Variants in GALNT8 observed in about 807,000 individuals in gnomAD.
GALNT8 encodes probable polypeptide N-acetylgalactosaminyltransferase 8.
In GALNT8, 66 loss-of-function variants were observed where a neutral mutation model predicts 62.7. That is an observed-to-expected ratio of 1.05 (90% CI 0.86 to 1.29). The LOEUF is 1.29. Ranked by LOEUF, GALNT8 falls within the 50% of genes most tolerant of loss-of-function variation. The pLI, the probability that GALNT8 is intolerant of heterozygous loss-of-function variation, is 0.00. For missense variants in GALNT8, 771 were observed against 791.8 expected (o/e 0.97, Z 0.32); for synonymous variants, 288 against 294.3 (o/e 0.98, Z 0.22).
chr12:4,756,049 A>G (rs1946343491), intron 6 of GALNT8, among the ~76,000 whole-genome samples: 1 of 152,262 alleles, frequency 6.6e-6, no homozygotes, highest in Non-Finnish European at 1.5e-5. Context: ...ATTTCAGAGT[A>G]AGTCACATGG....
intron 9 of GALNT8, among the ~76,000 whole-genome samples, chr12:4,764,290 C>T (rs117765779): frequency 4.6e-5 from 7 of 152,348 alleles, no homozygotes; most frequent in Non-Finnish European, 8.8e-5. Flanking sequence ...TGCTCTGTCA[C>T]ATTCATTCTG....
chr12:4,760,284 A>G (rs931244358), intron 6 of GALNT8, among the ~76,000 whole-genome samples: 3 of 152,232 alleles, frequency 2.0e-5, no homozygotes, highest in African/African-American at 7.2e-5. Context: ...TATGCTGGGT[A>G]TCAGTTGGAA....
intron 2 of GALNT8, among the ~76,000 whole-genome samples, chr12:4,736,299 T>A (rs1211895680): frequency 6.6e-6 from 1 of 152,134 alleles, no homozygotes; most frequent in Admixed American, 6.5e-5. Flanking sequence ...AGGCAACTAC[T>A]AGGAAGCCAG....
intron 3 of GALNT8, among the ~76,000 whole-genome samples, chr12:4,741,906 C>A (rs917929272): frequency 1.3e-5 from 2 of 152,056 alleles, no homozygotes; most frequent in African/African-American, 4.8e-5. Context: ...TCATTAACCA[C>A]GAAAACACCA....
chr12:4,720,739 T>G lies in GALNT8; in HGVS notation c.62T>G (p.Val21Gly), dbSNP rs780417674. The change falls in exon 1 of 11, where the codon GTC (valine) becomes GGC (glycine). Residue 21 changes from valine (V) to glycine (G), a missense_variant. Physicochemically the swap from Val to Gly is moderately radical, Grantham distance 109. Coordinates refer to ENST00000252318, the MANE Select transcript of GALNT8 (RefSeq NM_017417.2). ...ATTGGGCTGACTCTGGCCATTGCTGTCAATCTCCTTCTGGTATTTTCTAGC... is the reference window on the plus strand; with the variant it reads ...ATTGGGCTGACTCTGGCCATTGCTGGCAATCTCCTTCTGGTATTTTCTAGC... Reference protein sequence around the residue: ...LFIGLTLAIAVNLLLVFSSKG... With the variant: ...LFIGLTLAIAGNLLLVFSSKG... 84 of 1,613,640 alleles carry G rather than the reference T, an allele frequency of 5.2e-5. 2 individuals carry two copies. In the South Asian group the frequency reaches 8.8e-4, roughly 17 times the overall value.
chr12:4,764,530 A>ATTTTTTTTTTTTT (rs58809573), intron 9 of GALNT8, among the ~76,000 whole-genome samples: 1 of 102,246 alleles, frequency 9.8e-6, no homozygotes, highest in Admixed American at 1.0e-4. Flanking sequence ...CAGTCAGGGG[A>ATTTTTTTTTTTTT]TTTTTTTTTT....
Position 4,726,919 on chromosome 12 carries a change from G to T in GALNT8, c.509+90G>T, listed in dbSNP as rs1392132830. ...AGTGAACATTGAAGGCTGGGGGAGT[G>T]GGGGATTGTTGGGGAAGGGGTTCAG... On this transcript the variant is annotated intron_variant, in intron 2 of 10. Transcript: ENST00000252318. The surrounding 1 kb of genome is among the most constrained non-coding windows in gnomAD (Gnocchi z 4.1). 9.6e-6 allele frequency: 11 copies of T among 1,147,482 alleles called. No homozygotes were observed. Among genetic ancestry groups the T allele is most frequent in the Non-Finnish European group, 1.4e-5 (11 of 803,392 alleles). The allele number at this position is 1,147,482 out of a possible 1,614,324, so 71.1% of individuals were successfully genotyped here.
At chr12:4,754,021 G>A (rs770728509) in intron 6 of GALNT8, among the ~76,000 whole-genome samples, 16 of 152,102 alleles carry the variant, frequency 1.1e-4, no homozygotes, top group Non-Finnish European at 1.8e-4. Context: ...CTTCCCTTAC[G>A]TCTCCCAAAC....
At chr12:4,769,744 A>G (rs1946414705) in intron 10 of GALNT8, among the ~76,000 whole-genome samples, 1 of 151,994 alleles carries the variant, frequency 6.6e-6, no homozygotes. Context: ...ATACACTTCT[A>G]GTCAATCATC....
At chr12:4,722,871 G>C (rs1373467040) in intron 1 of GALNT8, among the ~76,000 whole-genome samples, 3 of 152,010 alleles carry the variant, frequency 2.0e-5, no homozygotes, top group Admixed American at 6.6e-5. Context: ...AAAGAGCGAG[G>C]AGAGTGAGAA....
intron 1 of GALNT8, among the ~76,000 whole-genome samples, chr12:4,723,775 G>T (rs545046520): frequency 7.6e-6 from 1 of 131,362 alleles, no homozygotes; most frequent in Admixed American, 8.3e-5. Flanking sequence ...TTTTTCCACA[G>T]AGCTTCCTAT....
Position 4,749,118 on chromosome 12 carries a change from TG to T in GALNT8, c.1173+2861del, listed in dbSNP as rs1296814561. 6.6e-6 allele frequency among the ~76,000 whole-genome samples: 1 copy of T among 152,164 alleles called. No individual in the cohort carries two copies. Among genetic ancestry groups the T allele is most frequent in the Non-Finnish European group, 1.5e-5 (1 of 67,988 alleles). ...GAATAGTTTTTTGGTGGAGTCTTTATGTTTTTCCAATATAAGATTATGTCAT... is the reference window on the plus strand; with the variant it reads ...GAATAGTTTTTTGGTGGAGTCTTTATTTTTTCCAATATAAGATTATGTCAT... On this transcript the variant is annotated intron_variant, in intron 6 of 10. Transcript: ENST00000252318. The surrounding 1 kb of genome is among the most constrained non-coding windows in gnomAD (Gnocchi z 4.1).
chr12:4,732,063 G>T (rs1421541548), intron 2 of GALNT8, among the ~76,000 whole-genome samples: 3 of 141,070 alleles, frequency 2.1e-5, no homozygotes, highest in African/African-American at 7.7e-5. Context: ...CCCTCCCAAT[G>T]TAATATATAT....
At chr12:4,757,652 G>A (rs1044567262) in intron 6 of GALNT8, among the ~76,000 whole-genome samples, 1 of 152,156 alleles carries the variant, frequency 6.6e-6, no homozygotes, top group African/African-American at 2.4e-5. Context: ...TTCACATTCT[G>A]TTGGCCATTA....
chr12:4,765,299 TC>T, intron 9 of GALNT8, 79 bp from the exon 10 acceptor site: 1 of 1,317,318 alleles, frequency 7.6e-7, no homozygotes, highest in Non-Finnish European at 1.0e-6. Flanking sequence ...CTTCCTGCTG[TC>T]CCTCGGGCTA....
chr12:4,746,064 C>T, intron 5 of GALNT8, 80 bp from the exon 6 acceptor site: 1 of 797,326 alleles, frequency 1.3e-6, no homozygotes, highest in Non-Finnish European at 2.2e-6. Context: ...AGTTCTGAAG[C>T]CCAAATAATC....
At chr12:4,744,762 G>A in intron 4 of GALNT8, 62 bp downstream of exon 4, 2 of 1,118,810 alleles carry the variant, frequency 1.8e-6, no homozygotes, top group Non-Finnish European at 2.6e-6. Context: ...TGCATGTACT[G>A]AACACAAGAC....
At chr12:4,758,631 TGTGTGTGAGA>T (rs1372983968) in intron 6 of GALNT8, among the ~76,000 whole-genome samples, 1,162 of 92,850 alleles carry the variant, frequency 0.013, 10 homozygotes, top group Admixed American at 0.055. Context: ...TGTGTGTGTG[TGTGTGTGAGA>T]GAGAGAGAGA....
At chr12:4,763,898 C>T (rs1946385323) in intron 8 of GALNT8, 54 bp from the exon 9 acceptor site, 2 of 904,492 alleles carry the variant, frequency 2.2e-6, no homozygotes, top group South Asian at 2.6e-5. Flanking sequence ...GGAGGGATGG[C>T]GCCTCATTCT....
Sources: allele counts gnomAD v4.1 joint callset (sites outside exome capture counted in the v4.1 genomes callset), GRCh38; gene constraint gnomAD v4.1.1; non-coding constraint Gnocchi (gnomAD v3.1); transcripts MANE v1.5; gene names NCBI Gene and HGNC (gene_info 2026-07-23, HGNC 2026-07-21).